Variants in NRG1 observed in about 807,000 individuals in gnomAD.
NRG1 encodes the protein neuregulin 1, also known as pro-neuregulin-1, membrane-bound isoform.
Under a neutral mutation model 63.8 loss-of-function variants are expected in NRG1, and 18 were observed. The observed-to-expected ratio is 0.28, with a 90% CI of 0.19 to 0.42. NRG1 has a LOEUF of 0.42. Ranked by LOEUF, NRG1 falls within the 10% of genes least tolerant of loss-of-function variation. The pLI, the probability that NRG1 is intolerant of heterozygous loss-of-function variation, is 1.00. For synonymous variants in NRG1, 302 were observed against 301.3 expected, an observed-to-expected ratio of 1.00 and a Z score of -0.02; for missense variants, 762 against 814.7, an observed-to-expected ratio of 0.94 and a Z score of 0.79.
At chr8:32,690,410 A>G (rs574038371) in intron 5 of NRG1, among the ~76,000 whole-genome samples, 37 of 152,052 alleles carry the variant, frequency 2.4e-4, no homozygotes, top group Non-Finnish European at 3.1e-4. Flanking sequence ...CTCCAGCCAG[A>G]GCAGACCTAC....
intron 1 of NRG1, among the ~76,000 whole-genome samples, chr8:32,554,929 C>CTCTCT (rs1554580903): frequency 0.19 from 28,320 of 145,400 alleles, 3,473 homozygotes; most frequent in Admixed American, 0.32. Context: ...CTCTCTCTCT[C>CTCTCT]TTTTTTTTTT....
intron 1 of NRG1, among the ~76,000 whole-genome samples, chr8:32,352,518 G>T (rs1805742141): frequency 6.6e-6 from 1 of 152,250 alleles, no homozygotes; most frequent in African/African-American, 2.4e-5. Flanking sequence ...CAATTTGCGG[G>T]AAATTAAACA....
intron 1 of NRG1, among the ~76,000 whole-genome samples, chr8:32,324,092 CAA>C (rs11315662): frequency 1.6e-4 from 23 of 146,486 alleles, no homozygotes; most frequent in East Asian, 6.0e-4. Context: ...TCAAAGCCCT[CAA>C]AAAAAAAAAA....
At chr8:31,715,712 G>A (rs1187608185) in intron 1 of NRG1, among the ~76,000 whole-genome samples, 3 of 152,132 alleles carry the variant, frequency 2.0e-5, no homozygotes, top group South Asian at 4.1e-4. Context: ...AACTTGGTAA[G>A]TCACTTGGGA....
At chr8:32,595,683 G>C (rs913422038) in intron 1 of NRG1, 145 bp from the exon 2 acceptor site, 4 of 570,660 alleles carry the variant, frequency 7.0e-6, no homozygotes, top group South Asian at 8.6e-5. Flanking sequence ...ATCCATTTTC[G>C]CTCATCCATT....
chr8:32,536,401 G>A (rs971439258), intron 1 of NRG1, among the ~76,000 whole-genome samples: 2 of 152,142 alleles, frequency 1.3e-5, no homozygotes, highest in Non-Finnish European at 2.9e-5. Flanking sequence ...AAAGCCAATA[G>A]GAGAATATTT....
At chr8:31,725,061 G>A (rs1468323498) in intron 1 of NRG1, among the ~76,000 whole-genome samples, 2 of 152,102 alleles carry the variant, frequency 1.3e-5, no homozygotes, top group South Asian at 2.1e-4. Context: ...CACCTATTGT[G>A]AAATGTTATT....
intron 1 of NRG1, among the ~76,000 whole-genome samples, chr8:32,341,888 A>G (rs541420686): frequency 1.8e-4 from 28 of 152,328 alleles, no homozygotes; most frequent in African/African-American, 6.7e-4. Flanking sequence ...TTCCAACTGA[A>G]GTAATTGATA....
intron 1 of NRG1, among the ~76,000 whole-genome samples, chr8:31,974,269 G>A (rs1382286000): frequency 2.6e-5 from 4 of 152,158 alleles, no homozygotes; most frequent in Non-Finnish European, 5.9e-5. Context: ...GGGCTCAAGT[G>A]GTCCTCCCAC....
intron 1 of NRG1, among the ~76,000 whole-genome samples, chr8:31,883,736 C>T (rs903427416): frequency 6.6e-6 from 1 of 152,090 alleles, no homozygotes; most frequent in Admixed American, 6.6e-5. Context: ...TACTTAAGAT[C>T]TCTGTTGTTT....
At chr8:32,144,465 G>C (rs756563854) in intron 1 of NRG1, among the ~76,000 whole-genome samples, 1 of 152,006 alleles carries the variant, frequency 6.6e-6, no homozygotes, top group East Asian at 1.9e-4. Context: ...TTGTTTCATC[G>C]TCTAGAATGT....
intron 1 of NRG1, among the ~76,000 whole-genome samples, chr8:32,562,026 C>A (rs1399991438): frequency 1.3e-5 from 2 of 152,022 alleles, no homozygotes; most frequent in African/African-American, 4.8e-5. Flanking sequence ...TTCTGGGACC[C>A]ATTTATGGGA....
At chr8:31,827,480 A>T (rs1824684243) in intron 1 of NRG1, among the ~76,000 whole-genome samples, 1 of 152,172 alleles carries the variant, frequency 6.6e-6, no homozygotes. Flanking sequence ...ATGAGTGAAT[A>T]ATAGGAAGAT....
chr8:32,568,424 T>C (rs1484055217), intron 1 of NRG1, among the ~76,000 whole-genome samples: 2 of 152,208 alleles, frequency 1.3e-5, no homozygotes, highest in Non-Finnish European at 2.9e-5. Flanking sequence ...TCATCAGGCT[T>C]ATTCTTAAAA....
rs202189051 is a variant in NRG1, at chr8:31,957,829, A to G, written c.37+318398A>G. Among the ~76,000 whole-genome samples the G allele has an allele frequency of 5.3e-5, 8 of 152,232 alleles. No individual in the cohort carries two copies. In the East Asian group the frequency reaches 1.5e-3, roughly 29 times the overall value. On this transcript the variant is annotated intron_variant, in intron 1 of 10. Coordinates refer to the NRG1 transcript ENST00000519301. Reference sequence around the variant, plus strand: ...TTTTCTCTATCTTCTATCATTTCTTATATTAAGTTGTAGAGAGAGAGCGCA... The same window carrying G: ...TTTTCTCTATCTTCTATCATTTCTTGTATTAAGTTGTAGAGAGAGAGCGCA...
chr8:31,781,392 T>C (rs1819670604), intron 1 of NRG1, among the ~76,000 whole-genome samples: 1 of 152,210 alleles, frequency 6.6e-6, no homozygotes, highest in African/African-American at 2.4e-5. Context: ...TTAAGCATTA[T>C]AGTCATGATT....
At chr8:31,675,060 T>C (rs1031272029) in intron 1 of NRG1, among the ~76,000 whole-genome samples, 3 of 152,120 alleles carry the variant, frequency 2.0e-5, no homozygotes, top group African/African-American at 7.2e-5. Flanking sequence ...AATAAAAAAG[T>C]GGCTGGGCAC....
intron 1 of NRG1, among the ~76,000 whole-genome samples, chr8:32,180,408 A>C (rs1489136389): frequency 6.6e-6 from 1 of 152,158 alleles, no homozygotes; most frequent in African/African-American, 2.4e-5. Flanking sequence ...TGCATGTTTA[A>C]AATACATCAG....
chr8:32,581,378 C>T (rs1840602214), intron 1 of NRG1, among the ~76,000 whole-genome samples: 1 of 152,148 alleles, frequency 6.6e-6, no homozygotes, highest in Non-Finnish European at 1.5e-5. Context: ...AGTGATAACC[C>T]TGATAAATTC....
Sources: allele counts gnomAD v4.1 joint callset (sites outside exome capture counted in the v4.1 genomes callset), GRCh38; gene constraint gnomAD v4.1.1; transcripts MANE v1.5; gene names NCBI Gene and HGNC (gene_info 2026-07-23, HGNC 2026-07-21).